The following N4BP2L2 variants were observed in gnomAD, a reference collection of about 807,000 sequenced individuals.
N4BP2L2 encodes NEDD4 binding protein 2 like 2.
A neutral mutation model predicts 56.2 loss-of-function variants in N4BP2L2; 50 were observed. The ratio of observed to expected loss-of-function variants is 0.89; its 90% CI spans 0.71 to 1.13. N4BP2L2 has a LOEUF of 1.13. Among genes scored for constraint, N4BP2L2 ranks in the 50% most tolerant of loss-of-function variants. The probability of loss-of-function intolerance (pLI) is 0.00; values close to 1 mark genes in which losing one functional copy is unlikely to be tolerated. For missense variants in N4BP2L2, 689 were observed against 693.8 expected, an observed-to-expected ratio of 0.99 and a Z score of 0.08; for synonymous variants, 203 against 223.6, an observed-to-expected ratio of 0.91 and a Z score of 0.82.
At position 32,521,342 on chromosome 13, in the gene N4BP2L2, T is replaced by A. The variant is rs2050852639; in HGVS notation, c.1550+31A>T. 2.1e-6 allele frequency: 3 copies of A among 1,449,834 alleles called. No individual in the cohort carries two copies. The African/African-American group carries it at 4.2e-5, about 20-fold the overall frequency. 89.8% of individuals were successfully genotyped at this position (1,449,834 alleles called of 1,614,324 possible). A position where few individuals can be genotyped will look rare whatever the true frequency, so the allele number is the denominator to read the frequency against. On this transcript the variant is annotated intron_variant, in intron 5 of 5. Coordinates refer to ENST00000267068, the Ensembl canonical transcript of N4BP2L2. ...AATTCACAAAAGAAAGAAGAAAAGT[T>A]AAGGATTCAATAAAAATTCGAGTGT...
intron 3 of N4BP2L2, chr13:32,523,515 T>C (rs367744204): frequency 1.3e-5 from 2 of 149,928 alleles, no homozygotes; most frequent in African/African-American, 5.0e-5. Flanking sequence ...TGAAAAGCCA[T>C]CTCTACTCAA....
At chr13:32,451,117 AAAAG>A (rs1036873814) in intron 6 of N4BP2L2, among the ~76,000 whole-genome samples, 5 of 152,156 alleles carry the variant, frequency 3.3e-5, no homozygotes, top group Non-Finnish European at 7.3e-5. Flanking sequence ...GTTACAGAAA[AAAAG>A]AGCAGAATAA....
intron 6 of N4BP2L2, chr13:32,477,608 T>G (rs1309778125): frequency 6.4e-6 from 2 of 310,432 alleles, no homozygotes; most frequent in Non-Finnish European, 6.4e-6. Context: ...CAACGCCTAA[T>G]CTGGATGGAG....
chr13:32,523,119 G>C (rs539549996), intron 3 of N4BP2L2: 3 of 152,250 alleles, frequency 2.0e-5, no homozygotes, highest in African/African-American at 7.2e-5. Context: ...GGCTGGGTGT[G>C]GTAGCTCACA....
chr13:32,494,884 C>T (rs2088169487), intron 6 of N4BP2L2, among the ~76,000 whole-genome samples: 1 of 152,140 alleles, frequency 6.6e-6, no homozygotes, highest in Non-Finnish European at 1.5e-5. Context: ...CTGGCCAAAA[C>T]CTCAACAAAG....
At chr13:32,483,560 A>G (rs2085209501) in intron 6 of N4BP2L2, among the ~76,000 whole-genome samples, 1 of 152,180 alleles carries the variant, frequency 6.6e-6, no homozygotes. Flanking sequence ...AGACTAACAC[A>G]CGGTGAAAGA....
chr13:32,536,057 A>T, exon 2 of N4BP2L2: 1 of 1,614,036 alleles, frequency 6.2e-7, no homozygotes, highest in South Asian at 1.1e-5. Flanking sequence ...ATTCCAGTTA[A>T]CATGACAATT....
chr13:32,534,352 T>G (rs879930963), intron 2 of N4BP2L2, among the ~76,000 whole-genome samples: 6 of 152,192 alleles, frequency 3.9e-5, no homozygotes, highest in Non-Finnish European at 8.8e-5. Context: ...ATATGTTGTC[T>G]CAAATCTAAC....
chr13:32,535,877 G>A (rs1298714010), exon 2 of N4BP2L2: 2 of 1,614,044 alleles, frequency 1.2e-6, no homozygotes, highest in Admixed American at 1.7e-5. Flanking sequence ...AAACCTGTCT[G>A]TTCCATTATG....
intron 5 of N4BP2L2, among the ~76,000 whole-genome samples, chr13:32,520,255 T>C (rs2050427961): frequency 6.6e-6 from 1 of 151,830 alleles, no homozygotes; most frequent in African/African-American, 2.4e-5. Context: ...CTGAATTGTA[T>C]GCAATTAAAT....
rs180882275 is a variant in N4BP2L2, at chr13:32,470,340, C to T, written c.366-26214G>A. On this transcript the variant is annotated intron_variant, in intron 6 of 9. Transcript: ENST00000357505. ...GTTATGCTAACCTCTGATTCTTTTA[C>T]AGGTTTAAAAGCGGGAATGCCCCTC... Among the ~76,000 whole-genome samples the T allele has an allele frequency of 2.6e-5, 4 of 152,258 alleles. No individual in the cohort carries two copies. The East Asian group carries it at 7.7e-4, about 29-fold the overall frequency.
chr13:32,453,488 T>A (rs2078457331), intron 6 of N4BP2L2, among the ~76,000 whole-genome samples: 2 of 152,152 alleles, frequency 1.3e-5, no homozygotes, highest in Non-Finnish European at 2.9e-5. Context: ...TTTTTTAAGT[T>A]TTTTTGAGAC....
At chr13:32,499,045 TA>T (rs2089442940) in intron 6 of N4BP2L2, among the ~76,000 whole-genome samples, 1 of 136,214 alleles carries the variant, frequency 7.3e-6, no homozygotes, top group Admixed American at 7.2e-5. Context: ...GTTGCATGAA[TA>T]AATACATTAC....
At chr13:32,530,001 C>T (rs577698730) in intron 2 of N4BP2L2, among the ~76,000 whole-genome samples, 150 of 152,328 alleles carry the variant, frequency 9.8e-4, no homozygotes, top group African/African-American at 3.5e-3. Flanking sequence ...GCTGGGATTA[C>T]AGGCGTGAGC....
chr13:32,490,658 C>A (rs1204815468), intron 6 of N4BP2L2, among the ~76,000 whole-genome samples: 1 of 152,082 alleles, frequency 6.6e-6, no homozygotes, highest in African/African-American at 2.4e-5. Flanking sequence ...AGTCCCCAAC[C>A]TTTTTGGGGG....
intron 6 of N4BP2L2, among the ~76,000 whole-genome samples, chr13:32,496,208 T>TA (rs1169007182): frequency 4.0e-5 from 6 of 151,408 alleles, no homozygotes; most frequent in Admixed American, 1.3e-4. Context: ...ATTTTTTATT[T>TA]TTTTTTTTTT....
chr13:32,470,670 A>G (rs2082128831), intron 6 of N4BP2L2, among the ~76,000 whole-genome samples: 1 of 152,234 alleles, frequency 6.6e-6, no homozygotes, highest in Non-Finnish European at 1.5e-5. Flanking sequence ...GACTTACCCA[A>G]TAGCGGGATG....
At chr13:32,521,633 A>G in intron 4 of N4BP2L2, 184 bp from the exon 5 acceptor site, 1 of 501,806 alleles carries the variant, frequency 2.0e-6, no homozygotes, top group Non-Finnish European at 3.5e-6. Context: ...TTTGATTACT[A>G]TTCTCAAGGA....
chr13:32,517,813 T>C (rs138840363), exon 6 of N4BP2L2: 17 of 1,612,896 alleles, frequency 1.1e-5, no homozygotes, highest in African/African-American at 5.3e-5. Flanking sequence ...TAATGATTAT[T>C]TGTGACACAG....
Sources: gnomAD v4.1 joint callset for allele counts (sites outside exome capture counted in the v4.1 genomes callset) on GRCh38, gnomAD v4.1.1 for gene constraint, MANE v1.5 for transcripts, NCBI Gene and HGNC (gene_info 2026-07-23, HGNC 2026-07-21) for gene names.